Variants in SHB observed in about 807,000 individuals in gnomAD.
SHB encodes the protein SH2 domain-containing adapter protein B.
Under a neutral mutation model 52.3 loss-of-function variants are expected in SHB, and 20 were observed. The observed-to-expected ratio is 0.38, with a 90% CI of 0.27 to 0.56. The LOEUF is 0.56. SHB is among the 20% of genes least tolerant of loss of function. The pLI, the probability that SHB is intolerant of heterozygous loss-of-function variation, is 0.71. For missense variants in SHB, 825 were observed against 723.3 expected, an observed-to-expected ratio of 1.14 and a Z score of -1.61; for synonymous variants, 397 against 316.5, an observed-to-expected ratio of 1.25 and a Z score of -2.70.
intron 1 of SHB, among the ~76,000 whole-genome samples, chr9:38,064,496 C>T (rs1007672867): frequency 4.6e-5 from 7 of 152,228 alleles, no homozygotes; most frequent in African/African-American, 1.7e-4. Flanking sequence ...TACATATACA[C>T]ACCCTGACAC....
chr9:38,068,889 C>G lies in SHB; in HGVS notation c.-244G>C, dbSNP rs76806278. ...CCCAAGCTAGGAATCTCGCGCCCCT[C>G]GTGGGCGCGTCTCATGGGGTCCCGG... is the stretch of plus-strand genomic sequence containing the variant. On this transcript the variant is annotated 5_prime_UTR_variant, in exon 1 of 6. Coordinates refer to ENST00000377707, the MANE Select transcript of SHB (RefSeq NM_003028.3). 2,903 of 153,382 alleles carry G rather than the reference C, an allele frequency of 0.019. 84 individuals are homozygous for G. The highest frequency in any genetic ancestry group is 0.066 in the African/African-American group (2,746 of 41,502). 9.5% of individuals were successfully genotyped at this position (153,382 alleles called of 1,614,324 possible).
rs555294068 is a variant in SHB, at chr9:37,925,579, T to C, written c.1347-5575A>G. On this transcript the variant is annotated intron_variant, in intron 5 of 5. Coordinates refer to ENST00000377707, the MANE Select transcript of SHB (RefSeq NM_003028.3). ...AAATAAAACATGAAAGTGAGACAAG[T>C]TCCCTTGCAAAATCATGGTCTTCTT... Among the ~76,000 whole-genome samples, 3 of 152,206 alleles carry C rather than the reference T, an allele frequency of 2.0e-5. No homozygotes were observed. The East Asian group carries it at 5.8e-4, about 29-fold the overall frequency.
At chr9:38,056,143 T>C (rs1821812766) in intron 1 of SHB, among the ~76,000 whole-genome samples, 1 of 152,110 alleles carries the variant, frequency 6.6e-6, no homozygotes. Context: ...AGTCAAAATA[T>C]TTAAGTCTCA....
At chr9:38,016,533 A>C (rs1788692751) in intron 1 of SHB, among the ~76,000 whole-genome samples, 1 of 152,222 alleles carries the variant, frequency 6.6e-6, no homozygotes, top group South Asian at 2.1e-4. Flanking sequence ...AAAGCCTAGA[A>C]ATGCTGACAT....
chr9:38,030,174 C>G (rs887901160), intron 1 of SHB, among the ~76,000 whole-genome samples: 1 of 152,234 alleles, frequency 6.6e-6, no homozygotes, highest in Admixed American at 6.5e-5. Flanking sequence ...CTGCTGCTCC[C>G]AGTCAGAGAG....
At chr9:38,051,518 T>C (rs1352087811) in intron 1 of SHB, among the ~76,000 whole-genome samples, 2 of 150,776 alleles carry the variant, frequency 1.3e-5, no homozygotes, top group African/African-American at 4.9e-5. Context: ...CATGCCCGGG[T>C]TGAGTGTCTG....
At chr9:38,032,029 T>C (rs1481405306) in intron 1 of SHB, among the ~76,000 whole-genome samples, 1 of 152,064 alleles carries the variant, frequency 6.6e-6, no homozygotes, top group Admixed American at 6.5e-5. Context: ...GCAGGACTCA[T>C]GGGGGCTGAG....
intron 1 of SHB, among the ~76,000 whole-genome samples, chr9:38,064,217 C>T (rs986284162): frequency 6.6e-6 from 1 of 152,078 alleles, no homozygotes. Flanking sequence ...TGTCCCCTAA[C>T]TTTGATCCTA....
chr9:38,059,538 A>G (rs1025992900), intron 1 of SHB, among the ~76,000 whole-genome samples: 14 of 152,220 alleles, frequency 9.2e-5, no homozygotes, highest in Non-Finnish European at 1.6e-4. Flanking sequence ...GTGCCGCTGA[A>G]AGTGAAACAT....
chr9:38,005,281 G>A (rs921951362), intron 2 of SHB, among the ~76,000 whole-genome samples: 1 of 152,228 alleles, frequency 6.6e-6, no homozygotes, highest in African/African-American at 2.4e-5. Context: ...CCTATACCCT[G>A]AAAGGGAGAG....
intron 1 of SHB, among the ~76,000 whole-genome samples, chr9:38,061,818 G>A (rs563640816): frequency 7.2e-5 from 11 of 152,276 alleles, no homozygotes; most frequent in East Asian, 1.9e-4. Flanking sequence ...CACACAGCCC[G>A]GCAAATCCTT....
At chr9:37,992,174 G>A (rs1327539780) in intron 2 of SHB, among the ~76,000 whole-genome samples, 1 of 152,192 alleles carries the variant, frequency 6.6e-6, no homozygotes, top group Admixed American at 6.5e-5. Context: ...GCCGAGGTGG[G>A]AGGGTCACCT....
chr9:38,025,158 A>AC (rs529234581), intron 1 of SHB, among the ~76,000 whole-genome samples: 1 of 151,836 alleles, frequency 6.6e-6, no homozygotes, highest in Non-Finnish European at 1.5e-5. Context: ...TCACAGAAGA[A>AC]CCCCCCTACC....
At chr9:37,937,012 C>G (rs899571734) in intron 5 of SHB, among the ~76,000 whole-genome samples, 2 of 152,226 alleles carry the variant, frequency 1.3e-5, no homozygotes, top group African/African-American at 4.8e-5. Flanking sequence ...CATCTGAAGT[C>G]CTCCTCAACT....
intron 3 of SHB, among the ~76,000 whole-genome samples, chr9:37,968,546 C>A (rs1261490551): frequency 6.6e-6 from 1 of 152,230 alleles, no homozygotes; most frequent in Non-Finnish European, 1.5e-5. Flanking sequence ...TGCTATGAGG[C>A]AGACCTGGCT....
chr9:37,976,551 CACA>C (rs1820657986), intron 2 of SHB, among the ~76,000 whole-genome samples: 1 of 152,176 alleles, frequency 6.6e-6, no homozygotes, highest in South Asian at 2.1e-4. Flanking sequence ...TCGGTCTAGG[CACA>C]TCCTGAACAA....
At chr9:37,940,386 T>C (rs1156708313) in intron 5 of SHB, among the ~76,000 whole-genome samples, 3 of 152,254 alleles carry the variant, frequency 2.0e-5, no homozygotes, top group Non-Finnish European at 2.9e-5. Flanking sequence ...AGTTCACTGT[T>C]CTCATTTAGT....
At chr9:37,926,264 TCTC>T (rs1238453144) in intron 5 of SHB, among the ~76,000 whole-genome samples, 2 of 150,216 alleles carry the variant, frequency 1.3e-5, no homozygotes, top group Non-Finnish European at 3.0e-5. Flanking sequence ...CAACTTCTGC[TCTC>T]CTCCTGCCGC....
At chr9:37,930,289 G>A (rs530029670) in intron 5 of SHB, among the ~76,000 whole-genome samples, 1 of 152,210 alleles carries the variant, frequency 6.6e-6, no homozygotes, top group Non-Finnish European at 1.5e-5. Context: ...GCTCAGAGAA[G>A]GGCAGAGGTT....
Sources: gnomAD v4.1 joint callset for allele counts (sites outside exome capture counted in the v4.1 genomes callset) on GRCh38, gnomAD v4.1.1 for gene constraint, MANE v1.5 for transcripts, NCBI Gene and HGNC (gene_info 2026-07-23, HGNC 2026-07-21) for gene names.